The following CCL26 variants were observed in gnomAD, a reference collection of about 807,000 sequenced individuals.
CCL26 encodes the protein C-C motif chemokine 26.
A neutral mutation model predicts 10.7 loss-of-function variants in CCL26; 10 were observed. The observed-to-expected ratio is 0.93, with a 90% CI of 0.57 to 1.58. CCL26 has a LOEUF of 1.58. Ranked by LOEUF, CCL26 falls within the 40% of genes most tolerant of loss-of-function variation. The pLI is 0.00. For missense variants in CCL26, 116 were observed against 111.0 expected, an observed-to-expected ratio of 1.05 and a Z score of -0.20; for synonymous variants, 43 against 41.4, an observed-to-expected ratio of 1.04 and a Z score of -0.15.
At chr7:75,773,946 G>A (rs1418578034), upstream of CCL26, among the ~76,000 whole-genome samples, 1 of 152,070 alleles carries the variant, frequency 6.6e-6, no homozygotes, top group Non-Finnish European at 1.5e-5. Context: ...CTGGCTTCAA[G>A]GCGATCTGCT....
upstream of CCL26, among the ~76,000 whole-genome samples, chr7:75,774,947 C>T (rs1178763801): frequency 6.6e-6 from 1 of 151,764 alleles, no homozygotes; most frequent in Non-Finnish European, 1.5e-5. Flanking sequence ...TGGTCGGGCC[C>T]GGTGGCTCAC....
chr7:75,789,459 C>CTTTTTTTTTTTTTT (rs782166200), intron 1 of CCL26, among the ~76,000 whole-genome samples: 12 of 104,256 alleles, frequency 1.2e-4, no homozygotes, highest in East Asian at 2.7e-4. Flanking sequence ...TTCTCTTTTT[C>CTTTTTTTTTTTTTT]TCTTTTTTTT....
chr7:75,790,218 T>TCTCTTTCTTCCTTC (rs1803302044), upstream of CCL26, among the ~76,000 whole-genome samples: 1 of 66,802 alleles, frequency 1.5e-5, no homozygotes. Context: ...TTTCTTTCTT[T>TCTCTTTCTTCCTTC]CTTCCTTCCT....
chr7:75,789,309 C>T (rs60454790), intron 1 of CCL26, among the ~76,000 whole-genome samples: 50,731 of 151,384 alleles, frequency 0.34, 8,636 homozygotes, highest in East Asian at 0.42. Context: ...AATGATATGG[C>T]GAATAAACAA....
At chr7:75,790,468 C>T (rs1803309258), upstream of CCL26, among the ~76,000 whole-genome samples, 1 of 151,490 alleles carries the variant, frequency 6.6e-6, no homozygotes, top group African/African-American at 2.4e-5. Flanking sequence ...CCAGGCTGGT[C>T]TTGAATTCCT....
At chr7:75,776,016 C>A (rs1422311984), upstream of CCL26, among the ~76,000 whole-genome samples, 1 of 149,834 alleles carries the variant, frequency 6.7e-6, no homozygotes, top group Non-Finnish European at 1.5e-5. Context: ...AGTATGTCCT[C>A]CTCTTCACTA....
chr7:75,773,629 A>G (rs554405854), upstream of CCL26, among the ~76,000 whole-genome samples: 1 of 152,042 alleles, frequency 6.6e-6, no homozygotes, highest in African/African-American at 2.4e-5. Context: ...TAATCCCAGC[A>G]CTTTGGAAGG....
At position 75,782,234 on chromosome 7, in the gene CCL26, G is replaced by A. The variant is rs141746226; in HGVS notation, c.-79+7483C>T. ...CAGACAAAGGAGACACATTTTATTC[G>A]TGGACCCAAAACTCCGGCGCCAGTC... On this transcript the variant is annotated intron_variant, in intron 1 of 3. Coordinates refer to the CCL26 transcript ENST00000394905. Among the ~76,000 whole-genome samples the A allele has an allele frequency of 7.6e-3, 1,152 of 151,942 alleles. 16 individuals are homozygous for A. Among genetic ancestry groups the A allele is most frequent in the African/African-American group, 0.026 (1,081 of 41,414 alleles).
chr7:75,772,345 G>C, upstream of CCL26: 2 of 609,222 alleles, frequency 3.3e-6, no homozygotes, highest in Non-Finnish European at 5.9e-6. Context: ...TCATAGGAAT[G>C]AAATTAGACA....
chr7:75,771,456 C>T (rs1209366179), intron 2 of CCL26, among the ~76,000 whole-genome samples: 2 of 152,178 alleles, frequency 1.3e-5, no homozygotes, highest in Non-Finnish European at 2.9e-5. Context: ...TCCAGTGACT[C>T]ACACTTGTAA....
At chr7:75,769,868 G>T in intron 2 of CCL26, 79 bp from the exon 3 acceptor site, 1 of 854,518 alleles carries the variant, frequency 1.2e-6, no homozygotes, top group Non-Finnish European at 2.0e-6. Context: ...AGGAGGGGCA[G>T]CTCTCTCACT....
At chr7:75,775,931 G>T (rs1231113183), upstream of CCL26, among the ~76,000 whole-genome samples, 3 of 150,732 alleles carry the variant, frequency 2.0e-5, no homozygotes, top group African/African-American at 7.3e-5. Context: ...CAAAGTACTG[G>T]GATTACAGCA....
rs140557839 is a variant in CCL26 at position 75,780,625 on chromosome 7, A to T, written c.-78-8371T>A. Among the ~76,000 whole-genome samples the T allele has an allele frequency of 8.2e-3, 1,247 of 152,180 alleles. 16 individuals carry two copies. The highest frequency in any genetic ancestry group is 0.028 in the African/African-American group (1,170 of 41,506). On this transcript the variant is annotated intron_variant, in intron 1 of 3. Coordinates refer to the CCL26 transcript ENST00000394905. ...AGTCTGAGGTGCCTGACGTCCAGGCATTCTTTTACACATCAGTCCCTCGCT... is the reference window on the plus strand; with the variant it reads ...AGTCTGAGGTGCCTGACGTCCAGGCTTTCTTTTACACATCAGTCCCTCGCT...
At chr7:75,787,378 C>T (rs1218449651) in intron 1 of CCL26, among the ~76,000 whole-genome samples, 1 of 152,080 alleles carries the variant, frequency 6.6e-6, no homozygotes, top group Non-Finnish European at 1.5e-5. Flanking sequence ...GGCACAGTGG[C>T]TCACGCCTGT....
chr7:75,773,897 T>G (rs1390454403), upstream of CCL26, among the ~76,000 whole-genome samples: 2 of 151,656 alleles, frequency 1.3e-5, no homozygotes, highest in Non-Finnish European at 2.9e-5. Flanking sequence ...AAAAAAGAAA[T>G]TTGTAGAGCC....
chr7:75,790,202 T>C (rs1285143190), upstream of CCL26, among the ~76,000 whole-genome samples: 10 of 108,772 alleles, frequency 9.2e-5, no homozygotes, highest in South Asian at 1.2e-3. Context: ...TTTCTTTCTT[T>C]CTTTCTTTCT....
At chr7:75,791,095 C>T (rs888754397), upstream of CCL26, among the ~76,000 whole-genome samples, 2 of 147,338 alleles carry the variant, frequency 1.4e-5, no homozygotes, top group Non-Finnish European at 3.0e-5. Context: ...GGCACGATCT[C>T]GGCTCACTGC....
chr7:75,787,149 C>T (rs1554530080), intron 1 of CCL26, among the ~76,000 whole-genome samples: 1 of 152,152 alleles, frequency 6.6e-6, no homozygotes, highest in Non-Finnish European at 1.5e-5. Flanking sequence ...CTGAGAAGGT[C>T]ACTGCAGTCA....
chr7:75,775,756 C>A (rs868987581), upstream of CCL26, among the ~76,000 whole-genome samples: 4 of 152,156 alleles, frequency 2.6e-5, no homozygotes, highest in Non-Finnish European at 5.9e-5. Context: ...TGAAGGGATA[C>A]GGGGAGTTAC....
Sources: allele counts gnomAD v4.1 joint callset (sites outside exome capture counted in the v4.1 genomes callset), GRCh38; gene constraint gnomAD v4.1.1; transcripts MANE v1.5; gene names NCBI Gene and HGNC (gene_info 2026-07-23, HGNC 2026-07-21).